The following EBF1 variants were observed in gnomAD, a reference collection of about 807,000 sequenced individuals.
The protein encoded by EBF1 is transcription factor COE1.
In EBF1, 10 loss-of-function variants were observed where a neutral mutation model predicts 68.4. The ratio of observed to expected loss-of-function variants is 0.15; its 90% CI spans 0.09 to 0.25. EBF1 has a LOEUF of 0.25. Among genes scored for constraint, EBF1 ranks in the 10% least tolerant of loss-of-function variants. The pLI is 1.00. For synonymous variants in EBF1, 298 were observed against 299.8 expected (o/e 0.99, Z 0.06); for missense variants, 509 against 794.4 (o/e 0.64, Z 4.32).
chr5:159,045,438 A>AAG (rs3062316), intron 6 of EBF1, among the ~76,000 whole-genome samples: 36,687 of 130,464 alleles, frequency 0.28, 4,637 homozygotes, highest in East Asian at 0.47. Context: ...AAAGAAGAAG[A>AAG]AAAAAAAAAG....
chr5:159,055,008 T>C (rs540713758), intron 6 of EBF1, among the ~76,000 whole-genome samples: 1 of 152,212 alleles, frequency 6.6e-6, no homozygotes, highest in Non-Finnish European at 1.5e-5. Context: ...CATCTAAAGA[T>C]CTCACCCACT....
intron 7 of EBF1, among the ~76,000 whole-genome samples, chr5:158,833,138 TAAA>T (rs548995829): frequency 6.7e-6 from 1 of 148,874 alleles, no homozygotes; most frequent in Non-Finnish European, 1.5e-5. Context: ...CCTTCTCTAC[TAAA>T]AAAAAAATCT....
chr5:158,969,898 AAG>A (rs1755146424), intron 6 of EBF1, among the ~76,000 whole-genome samples: 1 of 119,526 alleles, frequency 8.4e-6, no homozygotes, highest in South Asian at 2.7e-4. Context: ...GAAAGAAAGA[AAG>A]AAAGAAAGAA....
In EBF1 at chr5:158,713,070, G is replaced by A. The variant is rs368950395; in HGVS notation, c.1269C>T (p.Ala423=). The A allele has an allele frequency of 1.3e-6, 2 of 1,597,948 alleles. No homozygotes were observed. The highest frequency in any genetic ancestry group is 1.7e-5 in the Admixed American group (1 of 58,562). ...CTGCGTGGACCGAGGTGTTAGCAAGGGCCGGGAGTTGGTTGTGGTTGCGGG... is the reference window on the plus strand; with the variant it reads ...CTGCGTGGACCGAGGTGTTAGCAAGAGCCGGGAGTTGGTTGTGGTTGCGGG... The part of the protein sequence containing the change: ...SVPRNHNQLP[A]LANTSVHAGM... Residue 423 remains alanine, a synonymous_variant, in exon 13 of 16, where the codon GCC becomes GCT. Transcript: ENST00000313708.
At chr5:159,046,501 A>G (rs1772431343) in intron 6 of EBF1, among the ~76,000 whole-genome samples, 1 of 152,210 alleles carries the variant, frequency 6.6e-6, no homozygotes, top group South Asian at 2.1e-4. Context: ...AGAGACCTCA[A>G]ATAGGCCAAA....
chr5:159,072,083 T>C (rs1777891381), intron 6 of EBF1, among the ~76,000 whole-genome samples: 1 of 152,258 alleles, frequency 6.6e-6, no homozygotes, highest in Admixed American at 6.5e-5. Context: ...ATCCTAATTC[T>C]ATAGGTAGCA....
chr5:159,014,667 G>T (rs6862399), intron 6 of EBF1, among the ~76,000 whole-genome samples: 35,758 of 152,040 alleles, frequency 0.24, 4,537 homozygotes, highest in Non-Finnish European at 0.27. Flanking sequence ...TGAGTACATG[G>T]CTGCCCATAA....
intron 6 of EBF1, among the ~76,000 whole-genome samples, chr5:159,065,484 GA>G (rs1169514481): frequency 1.3e-5 from 2 of 152,020 alleles, no homozygotes; most frequent in Admixed American, 6.5e-5. Context: ...AAAAAGAAAA[GA>G]AAAAAAGTTA....
intron 8 of EBF1, among the ~76,000 whole-genome samples, chr5:158,822,792 T>C (rs1451928874): frequency 6.6e-6 from 1 of 152,220 alleles, no homozygotes; most frequent in Non-Finnish European, 1.5e-5. Context: ...ATGTCAAATA[T>C]ATCACAATTT....
At chr5:159,073,105 A>G (rs1280961610) in intron 6 of EBF1, among the ~76,000 whole-genome samples, 1 of 152,240 alleles carries the variant, frequency 6.6e-6, no homozygotes, top group African/African-American at 2.4e-5. Context: ...TTTATTTCTG[A>G]AGCTTCCTGG....
intron 10 of EBF1, among the ~76,000 whole-genome samples, chr5:158,772,079 G>A (rs1773987976): frequency 6.6e-6 from 1 of 152,132 alleles, no homozygotes. Context: ...GCCAAACTCG[G>A]GACTTGGGCT....
chr5:158,874,217 G>A (rs571795670), intron 6 of EBF1, among the ~76,000 whole-genome samples: 29 of 152,100 alleles, frequency 1.9e-4, no homozygotes, highest in Non-Finnish European at 3.5e-4. Flanking sequence ...ACACTCTGTG[G>A]TGAATCTGGC....
At chr5:158,825,442 C>T (rs1427042044) in intron 7 of EBF1, among the ~76,000 whole-genome samples, 1 of 151,022 alleles carries the variant, frequency 6.6e-6, no homozygotes, top group Non-Finnish European at 1.5e-5. Flanking sequence ...TATCTGTTTT[C>T]AGTGTCAGGA....
At chr5:158,917,642 A>C (rs1469478567) in intron 6 of EBF1, among the ~76,000 whole-genome samples, 1 of 152,234 alleles carries the variant, frequency 6.6e-6, no homozygotes, top group Non-Finnish European at 1.5e-5. Context: ...TTAGCTCAAA[A>C]CCTAAGTGAA....
At chr5:158,743,355 C>T (rs943514046) in intron 10 of EBF1, among the ~76,000 whole-genome samples, 2 of 152,210 alleles carry the variant, frequency 1.3e-5, no homozygotes, top group African/African-American at 4.8e-5. Context: ...GTTGGATGTT[C>T]CAGTTTGGGC....
At chr5:159,072,447 A>G (rs1202429741) in intron 6 of EBF1, among the ~76,000 whole-genome samples, 1 of 152,216 alleles carries the variant, frequency 6.6e-6, no homozygotes, top group Non-Finnish European at 1.5e-5. Context: ...GTTGTCAAAA[A>G]TCAATATTGC....
chr5:158,872,094 C>T (rs893426427), intron 6 of EBF1, among the ~76,000 whole-genome samples: 3 of 152,178 alleles, frequency 2.0e-5, no homozygotes, highest in Non-Finnish European at 2.9e-5. Context: ...AATAAGTAGT[C>T]AGGAGAGATG....
chr5:158,885,914 T>C (rs1323549682), intron 6 of EBF1, among the ~76,000 whole-genome samples: 2 of 152,204 alleles, frequency 1.3e-5, no homozygotes, highest in South Asian at 2.1e-4. Flanking sequence ...TTCTGCAAAG[T>C]ACCTGTTGAA....
At chr5:158,994,552 C>T (rs1366621922) in intron 6 of EBF1, among the ~76,000 whole-genome samples, 1 of 152,190 alleles carries the variant, frequency 6.6e-6, no homozygotes, top group Non-Finnish European at 1.5e-5. Context: ...CCTTGCACGC[C>T]TTTTGAGTAA....
Sources: allele counts gnomAD v4.1 joint callset (sites outside exome capture counted in the v4.1 genomes callset), GRCh38; gene constraint gnomAD v4.1.1; transcripts MANE v1.5; gene names NCBI Gene and HGNC (gene_info 2026-07-23, HGNC 2026-07-21).